Variants in LINGO2 observed in about 807,000 individuals in gnomAD.
The protein encoded by LINGO2 is leucine rich repeat and Ig domain containing 2.
LINGO2 carries 14 observed loss-of-function variants against 30.6 expected under a neutral mutation model. The ratio of observed to expected loss-of-function variants is 0.46; its 90% CI spans 0.30 to 0.72. LINGO2 has a LOEUF of 0.72. Among genes scored for constraint, LINGO2 ranks in the 30% least tolerant of loss-of-function variants. LINGO2 has a pLI of 0.07. For synonymous variants in LINGO2, 317 were observed against 288.5 expected (o/e 1.10, Z -1.00); for missense variants, 729 against 751.7 (o/e 0.97, Z 0.35).
At chr9:28,103,546 A>AT (rs1826478575) in intron 4 of LINGO2, among the ~76,000 whole-genome samples, 1 of 152,146 alleles carries the variant, frequency 6.6e-6, no homozygotes, top group African/African-American at 2.4e-5. Flanking sequence ...TCATTGCCCC[A>AT]TAGCCAACAG....
intron 5 of LINGO2, among the ~76,000 whole-genome samples, chr9:27,974,180 T>C (rs921853125): frequency 1.3e-5 from 2 of 152,134 alleles, no homozygotes; most frequent in African/African-American, 4.8e-5. Context: ...GAGGTGGCTT[T>C]GTACTTTATG....
At chr9:28,145,032 G>A (rs372470119) in intron 4 of LINGO2, among the ~76,000 whole-genome samples, 27 of 152,186 alleles carry the variant, frequency 1.8e-4, no homozygotes, top group African/African-American at 6.0e-4. Context: ...TGCATGAGGT[G>A]CTTTCTGGCC....
intron 1 of LINGO2, among the ~76,000 whole-genome samples, chr9:28,506,402 A>G (rs1260425687): frequency 1.7e-4 from 1 of 5,816 alleles, no homozygotes; most frequent in Non-Finnish European, 1.2e-3. Flanking sequence ...TCTTAGACAT[A>G]TATATATATA....
intron 2 of LINGO2, among the ~76,000 whole-genome samples, chr9:28,384,835 AAAAT>A (rs199694293): frequency 4.7e-5 from 6 of 128,812 alleles, no homozygotes; most frequent in African/African-American, 7.7e-5. Context: ...ATAAAAAAAA[AAAAT>A]GTCTTCACAT....
chr9:29,210,956 A>C, the LINGO2 span, among the ~76,000 whole-genome samples: 1 of 152,156 alleles, frequency 6.6e-6, no homozygotes, highest in Non-Finnish European at 1.5e-5. Flanking sequence ...CCTTCTTTTA[A>C]AATGTTAACC....
chr9:29,072,167 T>A, the LINGO2 span, among the ~76,000 whole-genome samples: 3 of 98,124 alleles, frequency 3.1e-5, no homozygotes, highest in African/African-American at 1.3e-4. Flanking sequence ...ATCCACATTA[T>A]ATATATTGAA....
chr9:28,215,314 G>T (rs1348293092), intron 4 of LINGO2, among the ~76,000 whole-genome samples: 1 of 151,862 alleles, frequency 6.6e-6, no homozygotes, highest in Admixed American at 6.6e-5. Context: ...GAAGGGAAAA[G>T]TGCTGGGTAA....
intron 1 of LINGO2, among the ~76,000 whole-genome samples, chr9:28,532,536 G>T (rs1821273193): frequency 1.3e-5 from 2 of 151,926 alleles, no homozygotes; most frequent in Non-Finnish European, 2.9e-5. Flanking sequence ...TACCTGCCCT[G>T]GGATTGAGGG....
chr9:28,566,854 A>C (rs1210371852), intron 1 of LINGO2, among the ~76,000 whole-genome samples: 4 of 152,208 alleles, frequency 2.6e-5, no homozygotes, highest in African/African-American at 9.6e-5. Flanking sequence ...CTTTCATCTA[A>C]AATATTTTTG....
intron 5 of LINGO2, among the ~76,000 whole-genome samples, chr9:27,984,700 A>T (rs1220039798): frequency 1.3e-5 from 2 of 151,826 alleles, no homozygotes; most frequent in Non-Finnish European, 2.9e-5. Flanking sequence ...CTTGATCTTT[A>T]GAATTTTATA....
At chr9:28,717,876 T>C in the LINGO2 span, among the ~76,000 whole-genome samples, 13 of 151,978 alleles carry the variant, frequency 8.6e-5, no homozygotes, top group African/African-American at 2.9e-4. Flanking sequence ...TGATAGTCAA[T>C]ATATCCTATT....
the LINGO2 span, among the ~76,000 whole-genome samples, chr9:28,738,250 C>T: frequency 6.6e-6 from 1 of 152,144 alleles, no homozygotes; most frequent in African/African-American, 2.4e-5. Flanking sequence ...TGAGATCTAT[C>T]CCTGCCTCAG....
chr9:28,104,797 A>G (rs566692249), intron 4 of LINGO2, among the ~76,000 whole-genome samples: 2 of 152,148 alleles, frequency 1.3e-5, no homozygotes, highest in African/African-American at 4.8e-5. Context: ...ATAATCATGC[A>G]AAAGAAATCA....
At chr9:28,045,852 A>C (rs909181545) in intron 4 of LINGO2, among the ~76,000 whole-genome samples, 1 of 152,218 alleles carries the variant, frequency 6.6e-6, no homozygotes, top group African/African-American at 2.4e-5. Flanking sequence ...TCTCCTAGCT[A>C]TGAGAAACTA....
At chr9:29,178,591 T>C in the LINGO2 span, among the ~76,000 whole-genome samples, 1 of 152,120 alleles carries the variant, frequency 6.6e-6, no homozygotes, top group East Asian at 1.9e-4. Context: ...ACAAAATGTA[T>C]GTATAACTTC....
In LINGO2 at chr9:28,477,175, A is replaced by G. The variant is rs150947875; in HGVS notation, c.-364-1150T>C. On this transcript the variant is annotated intron_variant, in intron 1 of 5. Coordinates refer to ENST00000379992, the Ensembl canonical transcript of LINGO2. ...CTTTCCTTAAACTTCATGTTTACAT[A>G]TCAGATTTCCTACATGACACTGCCA... Among the ~76,000 whole-genome samples the G allele has an allele frequency of 1.5e-3, 235 of 152,336 alleles. 1 individual carries two copies. Among genetic ancestry groups the G allele is most frequent in the African/African-American group, 5.4e-3 (224 of 41,592 alleles).
intron 2 of LINGO2, among the ~76,000 whole-genome samples, chr9:28,386,265 G>A (rs1564166727): frequency 6.6e-6 from 1 of 152,104 alleles, no homozygotes. Flanking sequence ...ACATGAGAGA[G>A]GCAAACTTTC....
At chr9:28,831,914 CTTCTA>C in the LINGO2 span, among the ~76,000 whole-genome samples, 2 of 152,096 alleles carry the variant, frequency 1.3e-5, no homozygotes, top group Non-Finnish European at 2.9e-5. Context: ...TTATTTGACT[CTTCTA>C]TTCTACATAA....
chr9:28,428,801 T>C (rs1257412286), intron 2 of LINGO2, among the ~76,000 whole-genome samples: 1 of 152,132 alleles, frequency 6.6e-6, no homozygotes, highest in African/African-American at 2.4e-5. Context: ...TTACTTGAAT[T>C]TTTCAAGGAT....
Sources: allele counts gnomAD v4.1 joint callset (sites outside exome capture counted in the v4.1 genomes callset), GRCh38; gene constraint gnomAD v4.1.1; transcripts MANE v1.5; gene names NCBI Gene and HGNC (gene_info 2026-07-23, HGNC 2026-07-21).